The following DLG2 variants were observed in gnomAD, a reference collection of about 807,000 sequenced individuals.
DLG2 encodes the protein disks large homolog 2.
DLG2 carries 45 observed loss-of-function variants against 132.5 expected under a neutral mutation model. That is an observed-to-expected ratio of 0.34 (90% CI 0.27 to 0.44). The LOEUF (loss-of-function observed/expected upper bound fraction) is 0.44. Ranked by LOEUF, DLG2 falls within the 20% of genes least tolerant of loss-of-function variation. The pLI is 1.00. For synonymous variants in DLG2, 424 were observed against 419.6 expected (o/e 1.01, Z -0.13); for missense variants, 1,045 against 1,196.9 (o/e 0.87, Z 1.87).
rs1322224902 is a variant in DLG2 at position 85,460,967 on chromosome 11, T to C, written c.40+137690A>G. 3.3e-5 allele frequency among the ~76,000 whole-genome samples: 5 copies of C among 152,356 alleles called. No individual in the cohort carries two copies. In the East Asian group the frequency reaches 5.8e-4, roughly 18 times the overall value. On this transcript the variant is annotated intron_variant, in intron 3 of 27. Coordinates refer to ENST00000376104, the MANE Select transcript of DLG2 (RefSeq NM_001142699.3). The stretch of plus-strand genomic sequence containing the variant: ...TTGGCTTATTTGTTGGTTTGATTTG[T>C]GGTGGTGCTCATTTATTGGCCTTCA...
At chr11:84,961,726 TA>T (rs2052608486) in intron 6 of DLG2, among the ~76,000 whole-genome samples, 1 of 152,156 alleles carries the variant, frequency 6.6e-6, no homozygotes, top group Non-Finnish European at 1.5e-5. Context: ...AATCTCTAAA[TA>T]TGCTCCTCCA....
At chr11:84,796,837 T>C (rs1385886728) in intron 6 of DLG2, among the ~76,000 whole-genome samples, 2 of 149,782 alleles carry the variant, frequency 1.3e-5, no homozygotes. Context: ...TTTTTTATTA[T>C]ATTTTATTTA....
At chr11:85,107,022 G>A (rs1457445681) in intron 6 of DLG2, among the ~76,000 whole-genome samples, 3 of 151,902 alleles carry the variant, frequency 2.0e-5, no homozygotes, top group Non-Finnish European at 2.9e-5. Flanking sequence ...GTTAAAATAC[G>A]TGTTCAGTAA....
intron 18 of DLG2, among the ~76,000 whole-genome samples, chr11:83,717,276 A>G (rs564103199): frequency 1.3e-5 from 2 of 152,244 alleles, no homozygotes; most frequent in Non-Finnish European, 2.9e-5. Flanking sequence ...TTAAATTTAA[A>G]TCTTAATTCA....
intron 11 of DLG2, among the ~76,000 whole-genome samples, chr11:84,047,287 C>A (rs1415139829): frequency 1.3e-5 from 2 of 151,524 alleles, no homozygotes; most frequent in Admixed American, 1.3e-4. Context: ...GTTTTCTGTG[C>A]ATATTTCCTT....
chr11:84,747,429 A>T (rs146793490), intron 6 of DLG2, among the ~76,000 whole-genome samples: 1 of 152,182 alleles, frequency 6.6e-6, no homozygotes, highest in Non-Finnish European at 1.5e-5. Flanking sequence ...TTTGAGGCAG[A>T]AAAAAAAGCA....
At chr11:83,628,416 A>G (rs962672397) in intron 19 of DLG2, among the ~76,000 whole-genome samples, 1 of 152,182 alleles carries the variant, frequency 6.6e-6, no homozygotes, top group African/African-American at 2.4e-5. Flanking sequence ...CTGTGTGCTT[A>G]AATGCTGCTC....
chr11:85,207,024 T>C (rs998586863), intron 4 of DLG2, among the ~76,000 whole-genome samples: 4 of 152,190 alleles, frequency 2.6e-5, no homozygotes, highest in Non-Finnish European at 5.9e-5. Flanking sequence ...GACTGGACAT[T>C]TCATCAAACA....
intron 20 of DLG2, among the ~76,000 whole-genome samples, chr11:83,538,036 T>C (rs2095942354): frequency 6.6e-6 from 1 of 152,112 alleles, no homozygotes; most frequent in African/African-American, 2.4e-5. Flanking sequence ...TTGATACAAT[T>C]AGAATAGTAG....
chr11:84,221,777 T>A (rs2096919305), intron 8 of DLG2, among the ~76,000 whole-genome samples: 1 of 152,150 alleles, frequency 6.6e-6, no homozygotes, highest in Non-Finnish European at 1.5e-5. Context: ...CCACAGTGAC[T>A]ACTGCCACGT....
chr11:84,601,218 G>T (rs1295040766), intron 6 of DLG2, among the ~76,000 whole-genome samples: 1 of 151,872 alleles, frequency 6.6e-6, no homozygotes, highest in Non-Finnish European at 1.5e-5. Flanking sequence ...GCCACTGAAA[G>T]AATTGTTTTG....
intron 16 of DLG2, among the ~76,000 whole-genome samples, chr11:83,842,599 C>A (rs556308994): frequency 2.4e-4 from 35 of 147,980 alleles, no homozygotes; most frequent in African/African-American, 8.0e-4. Context: ...GAGGCCGAGG[C>A]GGGTGGATCA....
At chr11:85,146,509 T>G (rs1223931036) in intron 5 of DLG2, among the ~76,000 whole-genome samples, 1 of 151,968 alleles carries the variant, frequency 6.6e-6, no homozygotes, top group African/African-American at 2.4e-5. Context: ...TAGCCAAGGG[T>G]AGGTCTAGAG....
intron 8 of DLG2, among the ~76,000 whole-genome samples, chr11:84,203,094 C>T (rs369009960): frequency 8.0e-5 from 12 of 150,836 alleles, no homozygotes; most frequent in East Asian, 5.9e-4. Flanking sequence ...ACCATTTGAC[C>T]GAACAATCCC....
chr11:85,101,764 C>T (rs1029219281), intron 6 of DLG2, among the ~76,000 whole-genome samples: 7 of 152,026 alleles, frequency 4.6e-5, no homozygotes, highest in African/African-American at 1.7e-4. Context: ...GAGAACATTT[C>T]GTATTCAATT....
chr11:83,747,715 A>T (rs1000469775), intron 18 of DLG2, among the ~76,000 whole-genome samples: 5 of 151,930 alleles, frequency 3.3e-5, no homozygotes, highest in Non-Finnish European at 7.4e-5. Flanking sequence ...TTTTATAAGC[A>T]TATTTAGTTT....
At chr11:83,502,907 T>G (rs2094507290) in intron 21 of DLG2, among the ~76,000 whole-genome samples, 1 of 152,144 alleles carries the variant, frequency 6.6e-6, no homozygotes, top group Non-Finnish European at 1.5e-5. Flanking sequence ...GAACTTTCTC[T>G]TGTTAGAAGG....
chr11:84,084,706 C>T (rs1321149349), intron 10 of DLG2, among the ~76,000 whole-genome samples: 1 of 151,992 alleles, frequency 6.6e-6, no homozygotes, highest in Non-Finnish European at 1.5e-5. Context: ...AGTAGGAATT[C>T]TGTTAACTTA....
Position 83,590,817 on chromosome 11 carries a change from C to T in DLG2, c.1940+42394G>A, listed in dbSNP as rs1469069990. Among the ~76,000 whole-genome samples, 90 of 152,034 alleles carry T rather than the reference C, an allele frequency of 5.9e-4. 1 individual carries two copies. The highest frequency in any genetic ancestry group is 1.9e-3 in the African/African-American group (79 of 41,482). ...AAAATGATAAAGGGGATATCACCAC[C>T]GATCTCACAGAAATACAAACTACCA... is the stretch of plus-strand genomic sequence containing the variant. On this transcript the variant is annotated intron_variant, in intron 19 of 27. Transcript: ENST00000376104.
Sources: gnomAD v4.1 joint callset for allele counts (sites outside exome capture counted in the v4.1 genomes callset) on GRCh38, gnomAD v4.1.1 for gene constraint, MANE v1.5 for transcripts, NCBI Gene and HGNC (gene_info 2026-07-23, HGNC 2026-07-21) for gene names.